Variants in HIRA observed in about 807,000 individuals in gnomAD.
HIRA encodes histone cell cycle regulator.
HIRA carries 13 observed loss-of-function variants against 126.6 expected under a neutral mutation model. The ratio of observed to expected loss-of-function variants is 0.10; its 90% CI spans 0.07 to 0.16. The LOEUF (loss-of-function observed/expected upper bound fraction) is 0.16. Among genes scored for constraint, HIRA ranks in the 10% least tolerant of loss-of-function variants. The probability of loss-of-function intolerance (pLI) is 1.00; values close to 1 mark genes in which losing one functional copy is unlikely to be tolerated. For missense variants in HIRA, 834 were observed against 1,314.4 expected, an observed-to-expected ratio of 0.63 and a Z score of 5.65; for synonymous variants, 511 against 520.0, an observed-to-expected ratio of 0.98 and a Z score of 0.24.
intron 15 of HIRA, among the ~76,000 whole-genome samples, chr22:19,363,294 TAAC>T (rs1413771606): frequency 6.3e-4 from 95 of 150,964 alleles, no homozygotes; most frequent in Non-Finnish European, 1.2e-3. Flanking sequence ...AATTTAATTT[TAAC>T]TACAAAAGAC....
intron 1 of HIRA, among the ~76,000 whole-genome samples, chr22:19,421,350 G>C (rs997236984): frequency 1.3e-5 from 2 of 151,424 alleles, no homozygotes; most frequent in Admixed American, 1.3e-4. Context: ...CCAGTTATCT[G>C]TACAATGCAA....
rs1556028346 is a variant in HIRA, at chr22:19,420,471, A to AAAAAC, written c.38-9694_38-9693insGTTTT. On this transcript the variant is annotated intron_variant, in intron 1 of 24. Transcript: ENST00000263208. ...ACAAAAAAAACTGTCTCAAAAAAAA[A>AAAAAC]AAAAAAAAAACCAAACCAAAACAAA... is the stretch of plus-strand genomic sequence containing the variant. Among the ~76,000 whole-genome samples, 127 of 141,544 alleles carry AAAAAC rather than the reference A, an allele frequency of 9.0e-4. 1 individual carries two copies. Among genetic ancestry groups the AAAAAC allele is most frequent in the South Asian group, 3.8e-3 (16 of 4,256 alleles). The allele number at this position is 141,544 out of a possible 152,430, so 92.9% of individuals were successfully genotyped here.
At position 19,354,155 on chromosome 22, in the gene HIRA, C is replaced by A. The variant is rs530255723; in HGVS notation, c.2562-37G>T. The A allele has an allele frequency of 2.6e-4, 421 of 1,600,944 alleles. 7 individuals carry two copies. The South Asian group carries it at 4.6e-3, about 17-fold the overall frequency. On this transcript the variant is annotated intron_variant, in intron 21 of 24. Coordinates refer to ENST00000263208, the MANE Select transcript of HIRA (RefSeq NM_003325.4). ...AAGGCAGGAGCAGAGCTCAGGAAAACCAAGAGATCTGGTTGGCCTCTTTGC... is the reference window on the plus strand; with the variant it reads ...AAGGCAGGAGCAGAGCTCAGGAAAAACAAGAGATCTGGTTGGCCTCTTTGC...
chr22:19,397,002 A>C, intron 6 of HIRA, 55 bp from the exon 7 acceptor site: 1 of 1,536,442 alleles, frequency 6.5e-7, no homozygotes, highest in East Asian at 2.2e-5. Context: ...CATGACCTGC[A>C]ATCCATGGGC....
intron 24 of HIRA, among the ~76,000 whole-genome samples, chr22:19,335,582 T>C (rs1261607811): frequency 6.6e-6 from 1 of 152,218 alleles, no homozygotes; most frequent in Non-Finnish European, 1.5e-5. Flanking sequence ...ATGAACACTT[T>C]TGACATTTAA....
chr22:19,408,442 C>G (rs773472315), intron 3 of HIRA, 41 bp downstream of exon 3: 42 of 1,311,638 alleles, frequency 3.2e-5, no homozygotes, highest in South Asian at 1.1e-4. Flanking sequence ...CTTGGGCACT[C>G]TGCCAACACG....
At chr22:19,369,102 T>C (rs1208238031) in intron 15 of HIRA, among the ~76,000 whole-genome samples, 4 of 152,150 alleles carry the variant, frequency 2.6e-5, no homozygotes, top group African/African-American at 4.8e-5. Context: ...TGGCCAGGGC[T>C]GCCCCCCTTA....
chr22:19,411,928 C>T (rs979938475), intron 1 of HIRA, among the ~76,000 whole-genome samples: 1 of 152,208 alleles, frequency 6.6e-6, no homozygotes, highest in African/African-American at 2.4e-5. Flanking sequence ...CACTGCCCAG[C>T]ATGGGACCCA....
At chr22:19,426,054 T>A (rs537910230) in intron 1 of HIRA, among the ~76,000 whole-genome samples, 40 of 152,150 alleles carry the variant, frequency 2.6e-4, no homozygotes, top group Admixed American at 1.2e-3. Flanking sequence ...ATAAATACAT[T>A]CAGAGTGGCC....
rs183205227 is a variant in HIRA, at chr22:19,400,305, G to A, written c.398-2218C>T. ...GTTTCTCTCTTTAGTATCTGGTTTGGTGTGTGCTGTATTTGGTGAGGATTG... is the reference window on the plus strand; with the variant it reads ...GTTTCTCTCTTTAGTATCTGGTTTGATGTGTGCTGTATTTGGTGAGGATTG... On this transcript the variant is annotated intron_variant, in intron 5 of 24. Coordinates refer to ENST00000263208, the MANE Select transcript of HIRA (RefSeq NM_003325.4). Among the ~76,000 whole-genome samples, 8 of 152,148 alleles carry A rather than the reference G, an allele frequency of 5.3e-5. No homozygotes were observed. In the East Asian group the frequency reaches 1.4e-3, roughly 26 times the overall value.
chr22:19,394,138 G>A (rs545569037), intron 8 of HIRA, among the ~76,000 whole-genome samples: 1 of 152,352 alleles, frequency 6.6e-6, no homozygotes, highest in East Asian at 1.9e-4. Context: ...TGTGTAAAAG[G>A]CTGATGTGGA....
chr22:19,419,307 C>A (rs1304658455), intron 1 of HIRA, among the ~76,000 whole-genome samples: 4 of 152,090 alleles, frequency 2.6e-5, no homozygotes, highest in African/African-American at 9.7e-5. Context: ...CAATGGCCAC[C>A]CCGCCCCCAC....
chr22:19,343,959 A>T (rs2088660307), intron 24 of HIRA, among the ~76,000 whole-genome samples: 1 of 150,846 alleles, frequency 6.6e-6, no homozygotes, highest in Non-Finnish European at 1.5e-5. Context: ...TGATCTTCCC[A>T]CCTCAGCTTC....
chr22:19,427,307 T>A (rs915621280), intron 1 of HIRA, among the ~76,000 whole-genome samples: 1 of 152,224 alleles, frequency 6.6e-6, no homozygotes, highest in Admixed American at 6.5e-5. Context: ...TCTCAACCAC[T>A]GCAATCATAT....
intron 15 of HIRA, among the ~76,000 whole-genome samples, chr22:19,367,398 A>G (rs1383648594): frequency 1.4e-5 from 2 of 145,940 alleles, no homozygotes; most frequent in Admixed American, 1.4e-4. Context: ...ACGGAGTCTC[A>G]CTCTGTTGCT....
intron 1 of HIRA, among the ~76,000 whole-genome samples, chr22:19,427,969 C>T (rs767858645): frequency 5.9e-5 from 9 of 152,098 alleles, no homozygotes; most frequent in Admixed American, 3.9e-4. Context: ...TCCAAGAACA[C>T]GAAGTAAAAT....
chr22:19,334,109 G>C (rs2088530286), intron 24 of HIRA, among the ~76,000 whole-genome samples: 1 of 151,684 alleles, frequency 6.6e-6, no homozygotes, highest in Non-Finnish European at 1.5e-5. Flanking sequence ...CGAGTAGCTG[G>C]GACTACAGGC....
intron 13 of HIRA, among the ~76,000 whole-genome samples, chr22:19,379,654 A>AT (rs2089053819): frequency 7.5e-6 from 1 of 133,644 alleles, no homozygotes; most frequent in Non-Finnish European, 1.6e-5. Context: ...GAAATACTTG[A>AT]TTTCTTTTTT....
intron 15 of HIRA, among the ~76,000 whole-genome samples, chr22:19,369,784 T>G (rs531688113): frequency 1.3e-5 from 2 of 151,862 alleles, no homozygotes; most frequent in Non-Finnish European, 2.9e-5. Context: ...ATACAAAAAT[T>G]AGCCGGGCGT....
Sources: allele counts gnomAD v4.1 joint callset (sites outside exome capture counted in the v4.1 genomes callset), GRCh38; gene constraint gnomAD v4.1.1; transcripts MANE v1.5; gene names NCBI Gene and HGNC (gene_info 2026-07-23, HGNC 2026-07-21).